Variants in ARG1 observed in about 807,000 individuals in gnomAD.
ARG1 encodes arginase-1.
ARG1 carries 20 observed loss-of-function variants against 33.0 expected under a neutral mutation model. The observed-to-expected ratio is 0.61, with a 90% CI of 0.43 to 0.88. The LOEUF is 0.88. ARG1 is among the 40% of genes least tolerant of loss of function. The probability of loss-of-function intolerance (pLI) is 0.00; values close to 1 mark genes in which losing one functional copy is unlikely to be tolerated. For missense variants in ARG1, 374 were observed against 384.7 expected, an observed-to-expected ratio of 0.97 and a Z score of 0.23; for synonymous variants, 146 against 140.6, an observed-to-expected ratio of 1.04 and a Z score of -0.27.
chr6:131,576,936 C>A lies in ARG1; in HGVS notation c.130+201C>A, dbSNP rs1306147569. Among the ~76,000 whole-genome samples the A allele has an allele frequency of 2.0e-5, 3 of 152,086 alleles. No individual in the cohort carries two copies. The East Asian group carries it at 5.8e-4, about 30-fold the overall frequency. On this transcript the variant is annotated intron_variant, in intron 2 of 7. Coordinates refer to ENST00000368087, the MANE Select transcript of ARG1 (RefSeq NM_000045.4). The stretch of plus-strand genomic sequence containing the variant: ...ACATTGCTGGATGTACATCCTCACT[C>A]AGATATTTTGTCTTTCCAGCCAAAC...
At position 131,583,735 on chromosome 6, in the gene ARG1, G is replaced by C. The variant is rs2114550889; in HGVS notation, c.803-7G>C. 6.2e-7 allele frequency: 1 copy of C among 1,613,000 alleles called. No individual in the cohort carries two copies. The highest frequency in any genetic ancestry group is 2.2e-5 in the East Asian group (1 of 44,812). On this transcript the variant is annotated splice_region_variant and splice_polypyrimidine_tract_variant and intron_variant, in intron 7 of 7. Coordinates refer to ENST00000368087, the MANE Select transcript of ARG1 (RefSeq NM_000045.4). Reference sequence around the variant, plus strand: ...ATAAATTACATTATTACAATTTGTTGTTGTAGGGCTACTCTCAGGATTAGA... The same window carrying C: ...ATAAATTACATTATTACAATTTGTTCTTGTAGGGCTACTCTCAGGATTAGA...
intron 1 of ARG1, among the ~76,000 whole-genome samples, chr6:131,574,986 G>A (rs1018275173): frequency 4.6e-5 from 7 of 152,156 alleles, no homozygotes; most frequent in Non-Finnish European, 7.3e-5. Flanking sequence ...CTCCAAAGGC[G>A]ACCTTATACT....
At chr6:131,577,904 C>CA (rs574140142) in intron 2 of ARG1, among the ~76,000 whole-genome samples, 2,729 of 74,574 alleles carry the variant, frequency 0.037, 71 homozygotes, top group African/African-American at 0.09. Context: ...ACTCCATCTC[C>CA]AAAAAAAAAA....
Position 131,579,204 on chromosome 6 carries a change from A to G in ARG1, c.224A>G (p.Lys75Arg), listed in dbSNP as rs1289634469. 3.1e-6 allele frequency: 5 copies of G among 1,614,166 alleles called. No homozygotes were observed. The highest frequency in any genetic ancestry group is 4.2e-6 in the Non-Finnish European group (5 of 1,180,024). Residue 75 changes from lysine (K) to arginine (R), a missense_variant, in exon 3 of 8, where the codon AAA becomes AGA. By Grantham distance (26) the Lys-to-Arg change is conservative. Coordinates refer to ENST00000368087, the MANE Select transcript of ARG1 (RefSeq NM_000045.4). Reference protein sequence around the residue: ...QIVKNPRSVGKASEQLAGKVA... With the variant: ...QIVKNPRSVGRASEQLAGKVA... ...GTGAAGAATCCAAGGTCTGTGGGAAAAGCAAGCGAGCAGCTGGCTGGCAAG... is the reference window on the plus strand; with the variant it reads ...GTGAAGAATCCAAGGTCTGTGGGAAGAGCAAGCGAGCAGCTGGCTGGCAAG...
At chr6:131,577,588 A>C (rs1324355650) in intron 2 of ARG1, among the ~76,000 whole-genome samples, 3 of 152,112 alleles carry the variant, frequency 2.0e-5, no homozygotes, top group Non-Finnish European at 4.4e-5. Flanking sequence ...CCATGCAACG[A>C]GATAGTATTC....
rs778359686 is a variant in ARG1, at chr6:131,583,930, A to G, written c.*22A>G. 7.4e-6 allele frequency: 12 copies of G among 1,611,166 alleles called. No homozygotes were observed. Among genetic ancestry groups the G allele is most frequent in the Non-Finnish European group, 1.0e-5 (12 of 1,177,402 alleles). Reference sequence around the variant, plus strand: ...GTAAATGTGGAAACATCCGATATAAATCTCATAGTTAATGGCATAATTAGA... The same window carrying G: ...GTAAATGTGGAAACATCCGATATAAGTCTCATAGTTAATGGCATAATTAGA... On this transcript the variant is annotated 3_prime_UTR_variant, in exon 8 of 8. Coordinates refer to ENST00000368087, the MANE Select transcript of ARG1 (RefSeq NM_000045.4).
chr6:131,581,203 A>AT lies in ARG1; in HGVS notation c.306-10dup, dbSNP rs766750593. 3.1e-6 allele frequency: 5 copies of AT among 1,613,588 alleles called. No individual in the cohort carries two copies. Among genetic ancestry groups the AT allele is most frequent in the Non-Finnish European group, 4.2e-6 (5 of 1,179,634 alleles). On this transcript the variant is annotated splice_polypyrimidine_tract_variant and intron_variant, in intron 3 of 7. Transcript: ENST00000368087. ...ACTGCAAACCTGATGTTCACACAAA[A>AT]TTTTTTCCCCAAAAGTTTGGCAATT...
At chr6:131,582,782 G>A in intron 5 of ARG1, 67 bp downstream of exon 5, 2 of 1,333,790 alleles carry the variant, frequency 1.5e-6, no homozygotes, top group Non-Finnish European at 2.2e-6. Flanking sequence ...ATGCTTTACT[G>A]ACCAACTCTA....
At chr6:131,575,013 T>C (rs1773546835) in intron 1 of ARG1, among the ~76,000 whole-genome samples, 1 of 152,172 alleles carries the variant, frequency 6.6e-6, no homozygotes, top group Non-Finnish European at 1.5e-5. Context: ...CATTTAGGGA[T>C]TGGGCCCAGC....
At position 131,581,393 on chromosome 6, in the gene ARG1, G is replaced by T; in HGVS notation, c.465+15G>T. ...TAAAAGGAAAGGTAAAAGACTGGTT[G>T]GTACTCTAGTGCAATAGAATACTTT... is the stretch of plus-strand genomic sequence containing the variant. On this transcript the variant is annotated intron_variant, in intron 4 of 7. Coordinates refer to ENST00000368087, the MANE Select transcript of ARG1 (RefSeq NM_000045.4). 6.2e-7 allele frequency: 1 copy of T among 1,608,620 alleles called. No homozygotes were observed. The highest frequency in any genetic ancestry group is 2.2e-5 in the East Asian group (1 of 44,586).
chr6:131,583,409 C>T lies in ARG1; in HGVS notation c.720C>T (p.Phe240=), dbSNP rs762145115. The stretch of plus-strand genomic sequence containing the variant: ...ATGTTGACGGACTGGACCCATCTTT[C>T]ACACCAGCTACTGGCACACCAGTCG... ...SFDVDGLDPS[F]TPATGTPVVG... The change falls in exon 7 of 8, where the codon TTC becomes TTT. Residue 240 remains phenylalanine, a synonymous_variant. Coordinates refer to ENST00000368087, the MANE Select transcript of ARG1 (RefSeq NM_000045.4). 5 of 1,614,150 alleles carry T rather than the reference C, an allele frequency of 3.1e-6. No individual in the cohort carries two copies. The South Asian group carries it at 3.3e-5, about 11-fold the overall frequency.
intron 2 of ARG1, among the ~76,000 whole-genome samples, chr6:131,578,161 A>G (rs1773719032): frequency 6.7e-6 from 1 of 149,660 alleles, no homozygotes; most frequent in Non-Finnish European, 1.5e-5. Context: ...GTTTTAGTGA[A>G]CAAGAATTAC....
intron 2 of ARG1, 171 bp from the exon 3 acceptor site, chr6:131,578,940 G>A (rs185623005): frequency 8.6e-5 from 59 of 682,968 alleles, no homozygotes; most frequent in Middle Eastern, 4.3e-4. Flanking sequence ...GTAACATGAC[G>A]TCAAGCAAAA....
In ARG1 at chr6:131,584,313, A is replaced by C; in HGVS notation, c.*405A>C. ...TCAAAAAATGTGATTTTTTATAATA[A>C]ACTCTTTATAACAAGATTATATTGT... On this transcript the variant is annotated 3_prime_UTR_variant, in exon 8 of 8. Coordinates refer to ENST00000368087, the MANE Select transcript of ARG1 (RefSeq NM_000045.4). 5.1e-6 allele frequency: 1 copy of C among 197,778 alleles called. No individual in the cohort carries two copies. The highest frequency in any genetic ancestry group is 1.0e-5 in the Non-Finnish European group (1 of 96,446). The allele number at this position is 197,778 out of a possible 1,614,324, so 12.3% of individuals were successfully genotyped here.
chr6:131,579,859 A>T lies in ARG1; in HGVS notation c.305+574A>T, dbSNP rs950680063. On this transcript the variant is annotated intron_variant, in intron 3 of 7. Transcript: ENST00000368087. ...GTGTGTGTGTGTATGTGTGTGTGTG[A>T]GAGAGAGAGAGAGAGAGACAGATGT... Among the ~76,000 whole-genome samples the T allele has an allele frequency of 3.2e-3, 451 of 141,886 alleles. 4 individuals are homozygous for T. The highest frequency in any genetic ancestry group is 8.2e-3 in the Admixed American group (119 of 14,580). The allele number at this position is 141,886 out of a possible 152,430, so 93.1% of individuals were successfully genotyped here. A position where few individuals can be genotyped will look rare whatever the true frequency, so the allele number is the denominator to read the frequency against.
At chr6:131,578,229 C>T (rs1203498056) in intron 2 of ARG1, among the ~76,000 whole-genome samples, 1 of 148,292 alleles carries the variant, frequency 6.7e-6, no homozygotes, top group African/African-American at 2.5e-5. Context: ...CAGTAGAGAA[C>T]AGAATGCTTG....
chr6:131,578,915 C>A (rs1308021626), intron 2 of ARG1, among the ~76,000 whole-genome samples, 196 bp from the exon 3 acceptor site: 1 of 152,084 alleles, frequency 6.6e-6, no homozygotes, highest in Non-Finnish European at 1.5e-5. Context: ...ACAGCCGCAC[C>A]AGTGTGTGAT....
intron 3 of ARG1, among the ~76,000 whole-genome samples, chr6:131,580,832 T>C (rs1035234143): frequency 6.6e-6 from 1 of 152,208 alleles, no homozygotes; most frequent in African/African-American, 2.4e-5. Context: ...CCAAGAGAGA[T>C]GAGTGTACAG....
intron 1 of ARG1, among the ~76,000 whole-genome samples, chr6:131,575,288 C>T (rs1773559848): frequency 6.6e-6 from 1 of 152,018 alleles, no homozygotes; most frequent in Admixed American, 6.6e-5. Flanking sequence ...CTCTACACTA[C>T]AAAATATAGT....
Sources: gnomAD v4.1 joint callset for allele counts (sites outside exome capture counted in the v4.1 genomes callset) on GRCh38, gnomAD v4.1.1 for gene constraint, MANE v1.5 for transcripts, NCBI Gene and HGNC (gene_info 2026-07-23, HGNC 2026-07-21) for gene names.